TECTA: variants seen among roughly 807,000 people sequenced by gnomAD.
TECTA encodes tectorin alpha, also known as alpha-tectorin.
TECTA carries 128 observed loss-of-function variants against 216.8 expected under a neutral mutation model. The ratio of observed to expected loss-of-function variants is 0.59; its 90% CI spans 0.51 to 0.68. TECTA has a LOEUF of 0.68. Ranked by LOEUF, TECTA falls within the 30% of genes least tolerant of loss-of-function variation. TECTA has a pLI of 0.00. For synonymous variants in TECTA, 1,089 were observed against 1,117.1 expected, an observed-to-expected ratio of 0.97 and a Z score of 0.50; for missense variants, 2,551 against 2,786.2, an observed-to-expected ratio of 0.92 and a Z score of 1.90.
chr11:121,139,591 T>C (rs1377774307), intron 11 of TECTA, among the ~76,000 whole-genome samples: 2 of 151,652 alleles, frequency 1.3e-5, no homozygotes, highest in African/African-American at 4.9e-5. Flanking sequence ...CTAGGGAGGC[T>C]GAGACAGAGA....
chr11:121,128,555 T>C (rs1363611143), intron 9 of TECTA, among the ~76,000 whole-genome samples: 2 of 152,226 alleles, frequency 1.3e-5, no homozygotes, highest in East Asian at 1.9e-4. Flanking sequence ...TCCAATTAGA[T>C]AGAGCAGGAC....
chr11:121,129,862 C>A lies in TECTA; in HGVS notation c.2592C>A (p.Asn864Lys), dbSNP rs377433816. Residue 864 changes from asparagine (N) to lysine (K), a missense_variant, in exon 10 of 24, where the codon AAC becomes AAA. Around this residue, in one of 3 missense-constraint regions of TECTA, gnomAD observed 2,375 missense variants for 2,563.9 expected, o/e 0.93. Coordinates refer to ENST00000392793, the MANE Select transcript of TECTA (RefSeq NM_005422.4). ...CCAGTGACGAGTTCTGTCTCCCCAA[C>A]GGCAAGTGCACGGACAACCTGGCAG... ...ANASDEFCLP[N>K]GKCTDNLAVF... 3.7e-6 allele frequency: 6 copies of A among 1,614,216 alleles called. No individual in the cohort carries two copies. Among genetic ancestry groups the A allele is most frequent in the Non-Finnish European group, 5.1e-6 (6 of 1,180,048 alleles).
chr11:121,125,417 A>C lies in TECTA; in HGVS notation c.1319A>C (p.Asp440Ala). 2.5e-6 allele frequency: 4 copies of C among 1,614,184 alleles called. No individual in the cohort carries two copies. The highest frequency in any genetic ancestry group is 3.4e-6 in the Non-Finnish European group (4 of 1,180,042). The part of the protein sequence containing the change: ...ETDFGLLVTF[D>A]GQHYASISVP... ...GATTTTGGGCTCTTAGTGACTTTTGATGGCCAGCACTACGCCTCCATTTCC... is the reference window on the plus strand; with the variant it reads ...GATTTTGGGCTCTTAGTGACTTTTGCTGGCCAGCACTACGCCTCCATTTCC... The change falls in exon 8 of 24, where the codon GAT becomes GCT. Residue 440 changes from aspartate to alanine, a missense_variant. By Grantham distance (126) the Asp-to-Ala change is moderately radical. Transcript: ENST00000392793.
intron 20 of TECTA, among the ~76,000 whole-genome samples, chr11:121,175,000 TGATG>T (rs1282551487): frequency 4.6e-5 from 7 of 152,246 alleles, no homozygotes. Flanking sequence ...TAGTATTCTC[TGATG>T]GTAGTTTGTA....
chr11:121,101,875 T>C (rs1946349749), intron 1 of TECTA, among the ~76,000 whole-genome samples: 1 of 152,208 alleles, frequency 6.6e-6, no homozygotes, highest in African/African-American at 2.4e-5. Flanking sequence ...AGACAAAACA[T>C]GCTCCTGATG....
chr11:121,188,449 CA>C (rs1279081283), intron 21 of TECTA, among the ~76,000 whole-genome samples: 1 of 152,190 alleles, frequency 6.6e-6, no homozygotes. Context: ...CTCTAATGAC[CA>C]CTGGGCCAAG....
chr11:121,164,155 C>A (rs1029126367), intron 16 of TECTA, among the ~76,000 whole-genome samples: 34 of 151,858 alleles, frequency 2.2e-4, no homozygotes, highest in Non-Finnish European at 4.1e-4. Flanking sequence ...TTCTGTTTTC[C>A]CTGTGTGTGT....
At chr11:121,108,102 T>C (rs1402092965) in intron 3 of TECTA, among the ~76,000 whole-genome samples, 1 of 152,150 alleles carries the variant, frequency 6.6e-6, no homozygotes, top group South Asian at 2.1e-4. Context: ...CTGACACTCC[T>C]CTTTTGTCAT....
chr11:121,165,367 A>AC lies in TECTA; in HGVS notation c.5373dup (p.Tyr1792LeufsTer4), dbSNP rs777825421. The AC allele has an allele frequency of 3.1e-6, 5 of 1,592,370 alleles. No individual in the cohort carries two copies. Among genetic ancestry groups the AC allele is most frequent in the Non-Finnish European group, 4.3e-6 (5 of 1,169,154 alleles). ...GGGAGCTGTGTGGCTGCATCGAGCC[A>AC]CCCCCCTATGGAAATAGTGAGTGAC... On this transcript the variant is annotated frameshift_variant, in exon 17 of 24. Coordinates refer to ENST00000392793, the MANE Select transcript of TECTA (RefSeq NM_005422.4). LOFTEE classifies it high-confidence loss of function.
intron 16 of TECTA, among the ~76,000 whole-genome samples, chr11:121,163,371 T>C (rs943801784): frequency 1.4e-4 from 21 of 150,124 alleles, no homozygotes; most frequent in Non-Finnish European, 5.9e-5. Context: ...AATACTCATG[T>C]TCTCACTCAT....
chr11:121,142,159 G>A (rs921155056), intron 11 of TECTA, among the ~76,000 whole-genome samples: 1 of 152,124 alleles, frequency 6.6e-6, no homozygotes, highest in Non-Finnish European at 1.5e-5. Flanking sequence ...CTAGGTCAAG[G>A]TCTGTTGTTT....
chr11:121,113,164 G>A lies in TECTA; in HGVS notation c.579G>A (p.Ala193=), dbSNP rs759004891. ...AAATCAACTGGACCACGGGGACGGC[G>A]AGTGGCGGCGACCCCCTGACAGGTC... ...YYEINWTTGT[A]SGGDPLTGLG... The change falls in exon 5 of 24, where the codon GCG becomes GCA. Residue 193 remains alanine (A), a synonymous_variant. Coordinates refer to ENST00000392793, the MANE Select transcript of TECTA (RefSeq NM_005422.4). The surrounding 1 kb of genome is among the most constrained non-coding windows in gnomAD (Gnocchi z 4.2). The A allele has an allele frequency of 5.6e-6, 9 of 1,613,752 alleles. No homozygotes were observed. The highest frequency in any genetic ancestry group is 2.2e-5 in the East Asian group (1 of 44,850).
rs1946469288 is a variant in TECTA, at chr11:121,113,796, G to A, written c.790+78G>A. On this transcript the variant is annotated intron_variant, in intron 6 of 23. Coordinates refer to ENST00000392793, the MANE Select transcript of TECTA (RefSeq NM_005422.4). The surrounding 1 kb of genome is among the most constrained non-coding windows in gnomAD (Gnocchi z 4.2). ...ACAGGCAAGCTTTTAAGCCACGGGG[G>A]CGGACTCATTCCTGATGCCTTACTC... 1 of 1,558,606 alleles carries A rather than the reference G, an allele frequency of 6.4e-7. No homozygotes were observed. The highest frequency in any genetic ancestry group is 1.4e-5 in the African/African-American group (1 of 73,880).
chr11:121,155,995 G>A (rs1313601308), intron 13 of TECTA, among the ~76,000 whole-genome samples: 2 of 152,214 alleles, frequency 1.3e-5, no homozygotes, highest in Non-Finnish European at 2.9e-5. Context: ...ACGCTATGTT[G>A]TAGGTATTTT....
In TECTA at chr11:121,127,319, T is replaced by C. The variant is rs1379560892; in HGVS notation, c.1775-433T>C. On this transcript the variant is annotated intron_variant, in intron 8 of 23. Coordinates refer to ENST00000392793, the MANE Select transcript of TECTA (RefSeq NM_005422.4). The surrounding 1 kb of genome is among the most constrained non-coding windows in gnomAD (Gnocchi z 5.0). ...TCACGTTTTCAAATTACTCCTCTAA[T>C]GGTTACATTTTTCATTTCTCCTGAA... 6.6e-6 allele frequency among the ~76,000 whole-genome samples: 1 copy of C among 152,206 alleles called. No homozygotes were observed. The highest frequency in any genetic ancestry group is 2.4e-5 in the African/African-American group (1 of 41,458).
At chr11:121,122,564 G>A (rs541160905) in intron 7 of TECTA, among the ~76,000 whole-genome samples, 2 of 151,402 alleles carry the variant, frequency 1.3e-5, no homozygotes, top group East Asian at 1.9e-4. Flanking sequence ...GTCTGGGCAC[G>A]GCGTCTCACA....
chr11:121,145,969 C>G lies in TECTA; in HGVS notation c.3958C>G (p.Pro1320Ala), dbSNP rs149494818. 1 of 1,614,244 alleles carries G rather than the reference C, an allele frequency of 6.2e-7. No individual in the cohort carries two copies. The highest frequency in any genetic ancestry group is 8.5e-7 in the Non-Finnish European group (1 of 1,180,044). ...AFSKCHSKVN[P>A]TFFYKNCLFD... is the part of the protein sequence containing the mutation. ...CTCCAAGTGTCACAGCAAAGTTAAC[C>G]CCACCTTCTTCTATAAGAACTGCCT... Residue 1320 changes from proline (P) to alanine (A), a missense_variant, in exon 12 of 24, where the codon CCC becomes GCC. By Grantham distance (27) the Pro-to-Ala change is conservative (BLOSUM62 -1). Transcript: ENST00000392793.
At chr11:121,161,404 A>C (rs910144224) in intron 15 of TECTA, among the ~76,000 whole-genome samples, 9 of 151,996 alleles carry the variant, frequency 5.9e-5, no homozygotes, top group Non-Finnish European at 1.3e-4. Context: ...GAAAAGAGAG[A>C]ACTTTGGACA....
chr11:121,111,097 C>T (rs1394831467), intron 4 of TECTA, among the ~76,000 whole-genome samples: 6 of 152,236 alleles, frequency 3.9e-5, no homozygotes, highest in African/African-American at 1.4e-4. Context: ...GCGACGCCAA[C>T]AGAAGGGAAG....
Sources: gnomAD v4.1 joint callset for allele counts (sites outside exome capture counted in the v4.1 genomes callset) on GRCh38, gnomAD v4.1.1 for gene constraint, gnomAD v4.1.1 regional missense constraint, Gnocchi (gnomAD v3.1) non-coding constraint, MANE v1.5 for transcripts, NCBI Gene and HGNC (gene_info 2026-07-23, HGNC 2026-07-21) for gene names.